The following PIGR variants were observed in gnomAD, a reference collection of about 807,000 sequenced individuals.
PIGR encodes polymeric immunoglobulin receptor.
In PIGR, 22 loss-of-function variants were observed where a neutral mutation model predicts 69.5. The ratio of observed to expected loss-of-function variants is 0.32; its 90% CI spans 0.23 to 0.45. The LOEUF is 0.45. Among genes scored for constraint, PIGR ranks in the 20% least tolerant of loss-of-function variants. The pLI, the probability that PIGR is intolerant of heterozygous loss-of-function variation, is 1.00. For missense variants in PIGR, 885 were observed against 974.0 expected, an observed-to-expected ratio of 0.91 and a Z score of 1.22; for synonymous variants, 413 against 407.6, an observed-to-expected ratio of 1.01 and a Z score of -0.16.
At chr1:206,941,791 A>G (rs1229653812) in intron 1 of PIGR, among the ~76,000 whole-genome samples, 1 of 152,268 alleles carries the variant, frequency 6.6e-6, no homozygotes, top group African/African-American at 2.4e-5. Flanking sequence ...CCCCAACTAC[A>G]GCCTAGAGGA....
Position 206,935,494 on chromosome 1 carries a change from A to G in PIGR, c.1370T>C (p.Ile457Thr). The G allele has an allele frequency of 6.2e-7, 1 of 1,609,788 alleles. No individual in the cohort carries two copies. The highest frequency in any genetic ancestry group is 8.5e-7 in the Non-Finnish European group (1 of 1,176,582). The change falls in exon 5 of 11, where the codon ATT (isoleucine) becomes ACT (threonine). Residue 457 changes from isoleucine to threonine, a missense_variant. Ile to Thr is a moderately conservative substitution (Grantham distance 89, BLOSUM62 -1). Coordinates refer to ENST00000356495, the MANE Select transcript of PIGR (RefSeq NM_002644.4). This position sits in a 1 kb window ranked among gnomAD's most constrained non-coding sequence, Gnocchi z 4.4. ...TCCCTGTCAACTCCTACCTTCGATA[A>G]TCTTGATCTCCACGGTGGTCCTCCA... is the stretch of plus-strand genomic sequence containing the variant. The part of the protein sequence containing the change: ...TLWRTTVEIK[I>T]IEGEPNLKVP...
rs1025562732 is a variant in PIGR, at chr1:206,934,884, G to C, written c.1379-138C>G. 10 of 541,998 alleles carry C rather than the reference G, an allele frequency of 1.8e-5. No homozygotes were observed. In the African/African-American group the frequency reaches 1.9e-4, roughly 10 times the overall value. The allele number at this position is 541,998 out of a possible 1,614,324, so 33.6% of individuals were successfully genotyped here. Reference sequence around the variant, plus strand: ...ATTTTTGTTTTTGTTTTTGAGACAAGGTCTCTCTCTGTCACCCAGGCTGGA... The same window carrying C: ...ATTTTTGTTTTTGTTTTTGAGACAACGTCTCTCTCTGTCACCCAGGCTGGA... On this transcript the variant is annotated intron_variant, in intron 5 of 10. Coordinates refer to ENST00000356495, the MANE Select transcript of PIGR (RefSeq NM_002644.4).
chr1:206,939,228 A>T lies in PIGR; in HGVS notation c.279T>A (p.Phe93Leu). 1 of 1,614,188 alleles carries T rather than the reference A, an allele frequency of 6.2e-7. No homozygotes were observed. The highest frequency in any genetic ancestry group is 8.5e-7 in the Non-Finnish European group (1 of 1,180,024). ...GGCTCAGCTGGGCAATGTTCACCAC[A>T]AATGTGCCGTTCTCCGGGAAGTTGG... ...NLTNFPENGT[F>L]VVNIAQLSQD... The change falls in exon 3 of 11, where the codon TTT becomes TTA. Residue 93 changes from phenylalanine to leucine, a missense_variant. Transcript: ENST00000356495.
At position 206,934,453 on chromosome 1, in the gene PIGR, C is replaced by A. The variant is rs191320141; in HGVS notation, c.1672G>T (p.Val558Phe). ...QGHFYGETAA[V>F]YVAVEERKAA... ...TTCCTCTCTTCAACTGCCACATAGA[C>A]GGCTGCAGTCTCTCCATAGAAGTGG... The change falls in exon 6 of 11, where the codon GTC becomes TTC. Residue 558 changes from valine to phenylalanine, a missense_variant. Physicochemically the swap from Val to Phe is conservative, Grantham distance 50. Coordinates refer to ENST00000356495, the MANE Select transcript of PIGR (RefSeq NM_002644.4). 4.3e-6 allele frequency: 7 copies of A among 1,613,932 alleles called. No individual in the cohort carries two copies. Among genetic ancestry groups the A allele is most frequent in the Non-Finnish European group, 5.1e-6 (6 of 1,179,938 alleles).
chr1:206,939,235 C>G lies in PIGR; in HGVS notation c.272G>C (p.Gly91Ala). Residue 91 changes from glycine to alanine, a missense_variant, in exon 3 of 11, where the codon GGC becomes GCC. Gly to Ala is a moderately conservative substitution (Grantham distance 60). Transcript: ENST00000356495. ...RANLTNFPENGTFVVNIAQLS... is the reference protein window; with the variant it reads ...RANLTNFPENATFVVNIAQLS... The stretch of plus-strand genomic sequence containing the variant: ...CTGGGCAATGTTCACCACAAATGTG[C>G]CGTTCTCCGGGAAGTTGGTGAGGTT... The G allele has an allele frequency of 6.2e-7, 1 of 1,614,208 alleles. No individual in the cohort carries two copies. The highest frequency in any genetic ancestry group is 8.5e-7 in the Non-Finnish European group (1 of 1,180,048).
chr1:206,939,013 A>G lies in PIGR; in HGVS notation c.388+106T>C, dbSNP rs575898207. ...GGAAAGGGGTGCCTTCTGACCCCCA[A>G]CCCGGCTACACATCCTTGTCAGGAA... On this transcript the variant is annotated intron_variant, in intron 3 of 10. Coordinates refer to ENST00000356495, the MANE Select transcript of PIGR (RefSeq NM_002644.4). 1.1e-5 allele frequency: 11 copies of G among 1,012,354 alleles called. No individual in the cohort carries two copies. In the South Asian group the frequency reaches 1.4e-4, roughly 13 times the overall value. 62.7% of individuals were successfully genotyped at this position (1,012,354 alleles called of 1,614,324 possible). A position where few individuals can be genotyped will look rare whatever the true frequency, so the allele number is the denominator to read the frequency against.
At chr1:206,943,177 T>A (rs1216563993) in intron 1 of PIGR, among the ~76,000 whole-genome samples, 1 of 152,178 alleles carries the variant, frequency 6.6e-6, no homozygotes, top group Non-Finnish European at 1.5e-5. Context: ...ACGTGCCAAA[T>A]GCTTTGCTAG....
chr1:206,930,890 C>A lies in PIGR; in HGVS notation c.2200-477G>T. 1 of 985,428 alleles carries A rather than the reference C, an allele frequency of 1.0e-6. No homozygotes were observed. The allele number at this position is 985,428 out of a possible 1,614,324, so 61.0% of individuals were successfully genotyped here. ...GAAAAAGTAGATATGATAAAAACAA[C>A]AACAACAACAACAAAAACTCTCACC... On this transcript the variant is annotated intron_variant, in intron 10 of 10. Coordinates refer to ENST00000356495, the MANE Select transcript of PIGR (RefSeq NM_002644.4). This position sits in a 1 kb window ranked among gnomAD's most constrained non-coding sequence, Gnocchi z 4.3.
Position 206,930,873 on chromosome 1 carries a change from A to T in PIGR, c.2200-460T>A. On this transcript the variant is annotated intron_variant, in intron 10 of 10. Transcript: ENST00000356495. The surrounding 1 kb of genome is among the most constrained non-coding windows in gnomAD (Gnocchi z 4.3). ...TGCCAGAGATGTTTCAAGAAAAAGTAGATATGATAAAAACAACAACAACAA... is the reference window on the plus strand; with the variant it reads ...TGCCAGAGATGTTTCAAGAAAAAGTTGATATGATAAAAACAACAACAACAA... 1 of 985,484 alleles carries T rather than the reference A, an allele frequency of 1.0e-6. No individual in the cohort carries two copies. The highest frequency in any genetic ancestry group is 1.7e-5 in the African/African-American group (1 of 57,386). 61.0% of individuals were successfully genotyped at this position (985,484 alleles called of 1,614,324 possible). A position where few individuals can be genotyped will look rare whatever the true frequency, so the allele number is the denominator to read the frequency against.
At chr1:206,941,619 T>C (rs1679988475) in intron 1 of PIGR, among the ~76,000 whole-genome samples, 2 of 152,230 alleles carry the variant, frequency 1.3e-5, no homozygotes, top group Non-Finnish European at 2.9e-5. Flanking sequence ...AGGGTCTTTG[T>C]AATCCTGCCT....
chr1:206,938,362 T>C (rs772275826), intron 3 of PIGR, among the ~76,000 whole-genome samples: 5 of 152,218 alleles, frequency 3.3e-5, no homozygotes, highest in Non-Finnish European at 5.9e-5. Context: ...ATTCTGTGGT[T>C]TTGAATCTTG....
At position 206,934,201 on chromosome 1, in the gene PIGR, T is replaced by C. The variant is rs78326841; in HGVS notation, c.1705+219A>G. 8.8e-3 allele frequency among the ~76,000 whole-genome samples: 1,339 copies of C among 152,278 alleles called. 14 individuals carry two copies. Among genetic ancestry groups the C allele is most frequent in the African/African-American group, 0.03 (1,258 of 41,540 alleles). ...TGCCGAGGTTAAATAGCAAACCCACTATTTTTACTTAGTTGGTATGTTTAT... is the reference window on the plus strand; with the variant it reads ...TGCCGAGGTTAAATAGCAAACCCACCATTTTTACTTAGTTGGTATGTTTAT... On this transcript the variant is annotated intron_variant, in intron 6 of 10. Coordinates refer to ENST00000356495, the MANE Select transcript of PIGR (RefSeq NM_002644.4).
chr1:206,929,932 A>C lies in PIGR; in HGVS notation c.*386T>G. On this transcript the variant is annotated 3_prime_UTR_variant, in exon 11 of 11. Coordinates refer to ENST00000356495, the MANE Select transcript of PIGR (RefSeq NM_002644.4). ...GGGGAAGGACGGGAGGGAGGGATGG[A>C]GTGGAGGGAAAAATTCTGTTGACAT... The C allele has an allele frequency of 5.4e-6, 1 of 185,884 alleles. No individual in the cohort carries two copies. The highest frequency in any genetic ancestry group is 1.1e-5 in the Non-Finnish European group (1 of 90,736). 11.5% of individuals were successfully genotyped at this position (185,884 alleles called of 1,614,324 possible). A position where few individuals can be genotyped will look rare whatever the true frequency, so the allele number is the denominator to read the frequency against.
At chr1:206,932,348 T>G (rs1020543687) in intron 8 of PIGR, 108 bp downstream of exon 8, 3 of 1,309,042 alleles carry the variant, frequency 2.3e-6, no homozygotes, top group African/African-American at 3.0e-5. Context: ...GATCCTTTGT[T>G]TTAGCTCATG....
intron 4 of PIGR, among the ~76,000 whole-genome samples, chr1:206,936,698 T>G (rs1483193151): frequency 6.6e-6 from 1 of 152,108 alleles, no homozygotes; most frequent in Admixed American, 6.5e-5. Context: ...GATAAGCCAA[T>G]CCTTTTTCCA....
chr1:206,936,116 C>T (rs1178049180), intron 4 of PIGR, among the ~76,000 whole-genome samples: 1 of 152,192 alleles, frequency 6.6e-6, no homozygotes, highest in African/African-American at 2.4e-5. Context: ...GATATCAGCT[C>T]TTCTTTGGCT....
chr1:206,934,462 T>C lies in PIGR; in HGVS notation c.1663A>G (p.Thr555Ala), dbSNP rs746182448. 6.2e-7 allele frequency: 1 copy of C among 1,614,100 alleles called. No homozygotes were observed. Among genetic ancestry groups the C allele is most frequent in the Non-Finnish European group, 8.5e-7 (1 of 1,179,976 alleles). ...GVKQGHFYGE[T>A]AAVYVAVEER... is the part of the protein sequence containing the mutation. ...TCAACTGCCACATAGACGGCTGCAG[T>C]CTCTCCATAGAAGTGGCCCTGCTTC... The change falls in exon 6 of 11, where the codon ACT becomes GCT. Residue 555 changes from threonine (T) to alanine (A), a missense_variant. Transcript: ENST00000356495.
intron 7 of PIGR, 148 bp downstream of exon 7, chr1:206,932,838 A>G (rs1379100858): frequency 4.8e-6 from 4 of 831,746 alleles, no homozygotes; most frequent in Non-Finnish European, 7.6e-6. Context: ...AGGGTACCAT[A>G]GGACCCTCCC....
chr1:206,940,642 C>G, intron 1 of PIGR, 58 bp from the exon 2 acceptor site: 5 of 1,087,382 alleles, frequency 4.6e-6, no homozygotes, highest in Non-Finnish European at 6.4e-6. Context: ...GACTAGTTGA[C>G]CTTAGAGTTT....
Sources: allele counts gnomAD v4.1 joint callset (sites outside exome capture counted in the v4.1 genomes callset), GRCh38; gene constraint gnomAD v4.1.1; non-coding constraint Gnocchi (gnomAD v3.1); transcripts MANE v1.5; gene names NCBI Gene and HGNC (gene_info 2026-07-23, HGNC 2026-07-21).